SMARCA5: variants seen among roughly 807,000 people sequenced by gnomAD.
The protein encoded by SMARCA5 is SWI/SNF-related matrix-associated actin-dependent regulator of chromatin subfamily A member 5.
Under a neutral mutation model 140.4 loss-of-function variants are expected in SMARCA5, and 18 were observed. The ratio of observed to expected loss-of-function variants is 0.13; its 90% CI spans 0.09 to 0.19. SMARCA5 has a LOEUF of 0.19. Ranked by LOEUF, SMARCA5 falls within the 10% of genes least tolerant of loss-of-function variation. SMARCA5 has a pLI of 1.00. For missense variants in SMARCA5, 606 were observed against 1,276.8 expected (o/e 0.47, Z 8.01); for synonymous variants, 449 against 419.6 (o/e 1.07, Z -0.86).
chr4:143,553,211 C>CT lies in SMARCA5; in HGVS notation c.*30dup. ...TATGTTTTTGTTTCATAATCACTAACTTTAAACCAGTAGTTCTTTAATTTA... is the reference window on the plus strand; with the variant it reads ...TATGTTTTTGTTTCATAATCACTAACTTTTAAACCAGTAGTTCTTTAATTTA... On this transcript the variant is annotated 3_prime_UTR_variant, in exon 24 of 24. Coordinates refer to ENST00000283131, the MANE Select transcript of SMARCA5 (RefSeq NM_003601.4). 6.6e-7 allele frequency: 1 copy of CT among 1,510,756 alleles called. No individual in the cohort carries two copies. Among genetic ancestry groups the CT allele is most frequent in the Non-Finnish European group, 9.2e-7 (1 of 1,086,384 alleles). The allele number at this position is 1,510,756 out of a possible 1,614,324, so 93.6% of individuals were successfully genotyped here.
chr4:143,545,776 C>G, intron 18 of SMARCA5, 149 bp from the exon 19 acceptor site: 2 of 858,878 alleles, frequency 2.3e-6, no homozygotes, highest in Non-Finnish European at 3.7e-6. Context: ...ACTTCATGAC[C>G]AATCTGGTTT....
chr4:143,532,057 T>C (rs1737197951), intron 9 of SMARCA5, among the ~76,000 whole-genome samples: 1 of 152,226 alleles, frequency 6.6e-6, no homozygotes, highest in South Asian at 2.1e-4. Flanking sequence ...TGTCTTTGTA[T>C]ACCTGGCACA....
chr4:143,520,117 G>A (rs1736926381), intron 2 of SMARCA5, among the ~76,000 whole-genome samples: 1 of 152,056 alleles, frequency 6.6e-6, no homozygotes, highest in South Asian at 2.1e-4. Context: ...TCTCCCTCAA[G>A]ACATTTCAGT....
At position 143,526,451 on chromosome 4, in the gene SMARCA5, A is replaced by G; in HGVS notation, c.792A>G (p.Lys264=). The G allele has an allele frequency of 6.2e-7, 1 of 1,601,400 alleles. No individual in the cohort carries two copies. The highest frequency in any genetic ancestry group is 8.5e-7 in the Non-Finnish European group (1 of 1,173,396). Residue 264 remains lysine, a synonymous_variant, in exon 6 of 24, where the codon AAA becomes AAG. Coordinates refer to ENST00000283131, the MANE Select transcript of SMARCA5 (RefSeq NM_003601.4). The part of the protein sequence containing the change: ...TLRSVCLIGD[K]EQRAAFVRDV... ...GATCTGTTTGTTTGATAGGAGATAA[A>G]GAACAAAGAGTAAGTTTCTAGTATT...
In SMARCA5 at chr4:143,536,660, C is replaced by A; in HGVS notation, c.1477C>A (p.Pro493Thr). ...GKMVVLDKLL[P>T]KLKEQGSRVL... The stretch of plus-strand genomic sequence containing the variant: ...AATGGTGGTTTTAGACAAGCTGCTC[C>A]CTAAGTTAAAAGAACAAGGTATCGG... The change falls in exon 11 of 24, where the codon CCT becomes ACT. Residue 493 changes from proline to threonine, a missense_variant. By Grantham distance (38) the Pro-to-Thr change is conservative (BLOSUM62 -1). This residue lies in a region of SMARCA5 where 68 missense variants were observed against 126.9 expected (regional missense o/e 0.54). Coordinates refer to ENST00000283131, the MANE Select transcript of SMARCA5 (RefSeq NM_003601.4). The A allele has an allele frequency of 6.2e-7, 1 of 1,611,714 alleles. No individual in the cohort carries two copies. Among genetic ancestry groups the A allele is most frequent in the Non-Finnish European group, 8.5e-7 (1 of 1,178,180 alleles).
intron 13 of SMARCA5, 46 bp from the exon 14 acceptor site, chr4:143,540,317 A>G: frequency 6.7e-7 from 1 of 1,501,058 alleles, no homozygotes. Flanking sequence ...AGTGTTATTT[A>G]TGTGACTTTT....
chr4:143,540,536 C>CA (rs1483767739), intron 14 of SMARCA5, 41 bp downstream of exon 14: 11 of 1,568,074 alleles, frequency 7.0e-6, no homozygotes, highest in East Asian at 4.6e-5. Context: ...GTTGGATTGA[C>CA]ACAACCTGTT....
chr4:143,528,819 T>C (rs562497949), intron 8 of SMARCA5, 105 bp downstream of exon 8: 185 of 950,542 alleles, frequency 1.9e-4, no homozygotes, highest in Non-Finnish European at 2.6e-4. Context: ...GAGGTTATTA[T>C]TAATTTTTTA....
At chr4:143,516,552 G>T (rs1200146241) in intron 1 of SMARCA5, among the ~76,000 whole-genome samples, 1 of 152,124 alleles carries the variant, frequency 6.6e-6, no homozygotes, top group African/African-American at 2.4e-5. Flanking sequence ...TGAACATAGG[G>T]TCACACAAGT....
chr4:143,529,321 T>G (rs1737135486), intron 8 of SMARCA5, among the ~76,000 whole-genome samples: 1 of 152,208 alleles, frequency 6.6e-6, no homozygotes, highest in African/African-American at 2.4e-5. Context: ...CCTGACTTTG[T>G]TTCAGTGGCT....
At chr4:143,546,991 T>G in intron 20 of SMARCA5, 83 bp downstream of exon 20, 1 of 1,337,246 alleles carries the variant, frequency 7.5e-7, no homozygotes, top group East Asian at 2.3e-5. Context: ...ATGTTGTGAT[T>G]AGCTAATTTT....
Position 143,553,996 on chromosome 4 carries a change from A to T in SMARCA5, c.*812A>T, listed in dbSNP as rs1737700323. ...GTGATTTTTTTTTTTTAATTTTGAA[A>T]GCCCAGCCAAAATGAGGTGTGAATT... On this transcript the variant is annotated 3_prime_UTR_variant, in exon 24 of 24. Transcript: ENST00000283131. 6.6e-6 allele frequency: 1 copy of T among 151,844 alleles called. No individual in the cohort carries two copies. The highest frequency in any genetic ancestry group is 2.4e-5 in the African/African-American group (1 of 41,370). 9.4% of individuals were successfully genotyped at this position (151,844 alleles called of 1,614,324 possible). A position where few individuals can be genotyped will look rare whatever the true frequency, so the allele number is the denominator to read the frequency against.
intron 1 of SMARCA5, 171 bp downstream of exon 1, chr4:143,514,272 C>T (rs986610180): frequency 3.3e-6 from 2 of 599,162 alleles, no homozygotes; most frequent in East Asian, 6.5e-5. Flanking sequence ...TTGTTCTTAC[C>T]CTATTCGAGC....
chr4:143,522,455 A>T (rs1057117292), intron 3 of SMARCA5, among the ~76,000 whole-genome samples: 54 of 152,356 alleles, frequency 3.5e-4, no homozygotes, highest in African/African-American at 1.2e-3. Context: ...AAGATTGTTT[A>T]AAAGAAGAAG....
At position 143,553,145 on chromosome 4, in the gene SMARCA5, A is replaced by G; in HGVS notation, c.3120A>G (p.Ala1040=). ...PSTQKRKMDG[A]PDGRGRKKKL... ...CACAGAAACGTAAAATGGATGGCGC[A>G]CCTGATGGTCGAGGAAGAAAAAAGA... The change falls in exon 24 of 24, where the codon GCA becomes GCG. Residue 1040 remains alanine (A), a synonymous_variant. Coordinates refer to ENST00000283131, the MANE Select transcript of SMARCA5 (RefSeq NM_003601.4). The G allele has an allele frequency of 6.2e-7, 1 of 1,612,746 alleles. No individual in the cohort carries two copies. The highest frequency in any genetic ancestry group is 1.1e-5 in the South Asian group (1 of 91,042).
chr4:143,550,193 A>T, intron 23 of SMARCA5, 89 bp downstream of exon 23: 6 of 617,922 alleles, frequency 9.7e-6, no homozygotes, highest in Admixed American at 3.8e-5. Context: ...TTGATGTGTT[A>T]GTCCCTGTTG....
At chr4:143,521,737 A>G (rs1736962557) in intron 3 of SMARCA5, 142 bp downstream of exon 3, 2 of 737,476 alleles carry the variant, frequency 2.7e-6, no homozygotes, top group South Asian at 4.2e-5. Flanking sequence ...GGCATGATTT[A>G]GCCATAAATG....
At position 143,534,837 on chromosome 4, in the gene SMARCA5, AT is replaced by A; in HGVS notation, c.1159-13del. Reference sequence around the variant, plus strand: ...TGTGTAATATTGGTATTACCTGTTTATTTTTGTCCTTTTTAAGGTTTTGCGT... The same window carrying A: ...TGTGTAATATTGGTATTACCTGTTTATTTTGTCCTTTTTAAGGTTTTGCGT... On this transcript the variant is annotated splice_polypyrimidine_tract_variant and intron_variant, in intron 9 of 23. Transcript: ENST00000283131. The A allele has an allele frequency of 6.3e-7, 1 of 1,581,634 alleles. No individual in the cohort carries two copies. The highest frequency in any genetic ancestry group is 1.1e-5 in the South Asian group (1 of 88,232).
intron 13 of SMARCA5, 81 bp from the exon 14 acceptor site, chr4:143,540,282 T>G: frequency 9.3e-7 from 1 of 1,080,330 alleles, no homozygotes; most frequent in Non-Finnish European, 1.3e-6. Context: ...AATATTTTAA[T>G]TTTTTTTCTC....
Sources: gnomAD v4.1 joint callset for allele counts (sites outside exome capture counted in the v4.1 genomes callset) on GRCh38, gnomAD v4.1.1 for gene constraint, gnomAD v4.1.1 regional missense constraint, MANE v1.5 for transcripts, NCBI Gene and HGNC (gene_info 2026-07-23, HGNC 2026-07-21) for gene names.